APOBEC3F: variants seen among roughly 807,000 people sequenced by gnomAD.
APOBEC3F encodes the protein apolipoprotein B mRNA editing enzyme catalytic subunit 3F.
Under a neutral mutation model 45.8 loss-of-function variants are expected in APOBEC3F, and 34 were observed. That is an observed-to-expected ratio of 0.74 (90% CI 0.57 to 0.99). The LOEUF (loss-of-function observed/expected upper bound fraction) is 0.99. APOBEC3F is among the 50% of genes least tolerant of loss of function. APOBEC3F has a pLI of 0.00. For synonymous variants in APOBEC3F, 192 were observed against 174.4 expected, an observed-to-expected ratio of 1.10 and a Z score of -0.80; for missense variants, 459 against 474.1, an observed-to-expected ratio of 0.97 and a Z score of 0.30.
intron 4 of APOBEC3F, among the ~76,000 whole-genome samples, chr22:39,048,842 G>A (rs1289988243): frequency 4.0e-5 from 6 of 151,874 alleles, no homozygotes; most frequent in African/African-American, 7.3e-5. Flanking sequence ...AAAATCAGCC[G>A]GACGTGGTGA....
intron 1 of APOBEC3F, among the ~76,000 whole-genome samples, chr22:39,041,979 C>T (rs1359592862): frequency 2.0e-5 from 3 of 152,346 alleles, no homozygotes; most frequent in African/African-American, 7.2e-5. Context: ...CCCAATGGCT[C>T]CCTCCTGCAA....
At chr22:39,049,911 C>T (rs1927402238) in intron 5 of APOBEC3F, among the ~76,000 whole-genome samples, 1 of 151,440 alleles carries the variant, frequency 6.6e-6, no homozygotes, top group Non-Finnish European at 1.5e-5. Context: ...CCGTGGTGAC[C>T]AGGCTGGTTT....
In APOBEC3F at chr22:39,052,855, C is replaced by G; in HGVS notation, c.*160C>G. Reference sequence around the variant, plus strand: ...GTGCTCCCCTGCCTCACCACCTCCTCTCCGCTCTCCCAGGCTCTTCCTGCA... The same window carrying G: ...GTGCTCCCCTGCCTCACCACCTCCTGTCCGCTCTCCCAGGCTCTTCCTGCA... On this transcript the variant is annotated 3_prime_UTR_variant, in exon 7 of 7. Coordinates refer to ENST00000308521, the MANE Select transcript of APOBEC3F (RefSeq NM_145298.6). The G allele has an allele frequency of 7.0e-7, 1 of 1,435,124 alleles. No individual in the cohort carries two copies. Among genetic ancestry groups the G allele is most frequent in the Non-Finnish European group, 9.1e-7 (1 of 1,098,786 alleles). 88.9% of individuals were successfully genotyped at this position (1,435,124 alleles called of 1,614,324 possible).
rs1378857431 is a variant in APOBEC3F, at chr22:39,041,079, C to T, written c.17+102C>T. On this transcript the variant is annotated intron_variant, in intron 1 of 6. Transcript: ENST00000308521. ...GGCCTCCCCCTGCCCCAGCCCCAGC[C>T]CTGGGCTCCCTCCCCTCTGGCTCCC... is the stretch of plus-strand genomic sequence containing the variant. 8 of 1,532,808 alleles carry T rather than the reference C, an allele frequency of 5.2e-6. No homozygotes were observed. The African/African-American group carries it at 1.1e-4, about 21-fold the overall frequency. 95.0% of individuals were successfully genotyped at this position (1,532,808 alleles called of 1,614,324 possible). A position where few individuals can be genotyped will look rare whatever the true frequency, so the allele number is the denominator to read the frequency against.
intron 5 of APOBEC3F, among the ~76,000 whole-genome samples, chr22:39,049,891 C>T (rs544921037): frequency 2.0e-5 from 3 of 151,586 alleles, no homozygotes; most frequent in Admixed American, 6.6e-5. Context: ...TTAGTAGAGA[C>T]GGGGTTTCAC....
At position 39,049,389 on chromosome 22, in the gene APOBEC3F, G is replaced by T. The variant is rs376493009; in HGVS notation, c.567-36G>T. On this transcript the variant is annotated intron_variant, in intron 4 of 6. Coordinates refer to ENST00000308521, the MANE Select transcript of APOBEC3F (RefSeq NM_145298.6). ...GCATCAGCTCCGAGGAATCCAGGGG[G>T]GTCTCTGCATTGGGGTTTCTCTATT... is the stretch of plus-strand genomic sequence containing the variant. 9.3e-6 allele frequency: 15 copies of T among 1,607,928 alleles called. No homozygotes were observed. In the African/African-American group the frequency reaches 2.0e-4, roughly 21 times the overall value.
intron 4 of APOBEC3F, 143 bp from the exon 5 acceptor site, chr22:39,049,282 C>T (rs1569072160): frequency 6.7e-6 from 7 of 1,047,030 alleles, no homozygotes; most frequent in Non-Finnish European, 9.7e-6. Context: ...GCCAGCATCC[C>T]CTCCTCTTTC....
intron 4 of APOBEC3F, among the ~76,000 whole-genome samples, chr22:39,047,231 G>T (rs1927267993): frequency 6.6e-6 from 1 of 152,100 alleles, no homozygotes; most frequent in Admixed American, 6.6e-5. Context: ...GCAGACACCT[G>T]CCCCTCACTC....
At chr22:39,049,663 C>A in intron 5 of APOBEC3F, 82 bp downstream of exon 5, 3 of 1,422,624 alleles carry the variant, frequency 2.1e-6, no homozygotes, top group Non-Finnish European at 2.9e-6. Context: ...ACGTGCCTGG[C>A]GTGGGCTTTC....
chr22:39,050,553 G>C (rs1927437444), intron 5 of APOBEC3F, among the ~76,000 whole-genome samples: 1 of 149,810 alleles, frequency 6.7e-6, no homozygotes, highest in African/African-American at 2.5e-5. Context: ...AAGGCGACAA[G>C]AACTTGTGGA....
chr22:39,044,006 C>A, intron 2 of APOBEC3F: 1 of 1,458,558 alleles, frequency 6.9e-7, no homozygotes, highest in Non-Finnish European at 9.1e-7. Flanking sequence ...GCCTGGGCAA[C>A]AAGAGTGAAA....
chr22:39,050,265 T>G (rs2146348893), intron 5 of APOBEC3F, among the ~76,000 whole-genome samples: 1 of 151,702 alleles, frequency 6.6e-6, no homozygotes, highest in Non-Finnish European at 1.5e-5. Flanking sequence ...CCCCCGCCAC[T>G]GCCCTGATTC....
chr22:39,040,990 G>C lies in APOBEC3F; in HGVS notation c.17+13G>C, dbSNP rs749036662. The C allele has an allele frequency of 6.3e-7, 1 of 1,582,866 alleles. No homozygotes were observed. Among genetic ancestry groups the C allele is most frequent in the African/African-American group, 1.3e-5 (1 of 74,392 alleles). On this transcript the variant is annotated intron_variant, in intron 1 of 6. Transcript: ENST00000308521. Reference sequence around the variant, plus strand: ...AGCCTCACTTCAGGTACCGCTGCCCGCTCTACCCGCTGGGCCCCTCTGCTG... The same window carrying C: ...AGCCTCACTTCAGGTACCGCTGCCCCCTCTACCCGCTGGGCCCCTCTGCTG...
intron 5 of APOBEC3F, among the ~76,000 whole-genome samples, chr22:39,051,536 C>CAAAAAAAAA (rs35583360): frequency 9.6e-6 from 1 of 104,540 alleles, no homozygotes; most frequent in Non-Finnish European, 1.9e-5. Context: ...GACTCAGTAT[C>CAAAAAAAAA]AAAAAAAAAA....
At position 39,052,282 on chromosome 22, in the gene APOBEC3F, A is replaced by G; in HGVS notation, c.932A>G (p.Asp311Gly). Residue 311 changes from aspartate (D) to glycine (G), a missense_variant, in exon 6 of 7, where the codon GAT (aspartate) becomes GGT (glycine). Transcript: ENST00000308521. ...IFTARLYYFW[D>G]TDYQEGLRSL... ...ACCGCCCGCCTCTACTACTTCTGGG[A>G]TACAGATTACCAGGAGGGGCTCCGC... 3 of 1,614,174 alleles carry G rather than the reference A, an allele frequency of 1.9e-6. No homozygotes were observed. The highest frequency in any genetic ancestry group is 2.5e-6 in the Non-Finnish European group (3 of 1,180,014).
chr22:39,052,707 G>A lies in APOBEC3F; in HGVS notation c.*12G>A, dbSNP rs372133785. 28 of 1,606,054 alleles carry A rather than the reference G, an allele frequency of 1.7e-5. No homozygotes were observed. The African/African-American group carries it at 2.3e-4, about 13-fold the overall frequency. On this transcript the variant is annotated 3_prime_UTR_variant, in exon 7 of 7. Transcript: ENST00000308521. The stretch of plus-strand genomic sequence containing the variant: ...AGATTCTCGAGTGAGGGGTCTCCCC[G>A]GGCCTCATGGTCTGTCTCCTCTAGC...
chr22:39,047,050 T>C (rs1201002068), intron 4 of APOBEC3F, among the ~76,000 whole-genome samples: 1 of 151,828 alleles, frequency 6.6e-6, no homozygotes, highest in Non-Finnish European at 1.5e-5. Context: ...CACCCTTCTG[T>C]GACATAGGGA....
intron 4 of APOBEC3F, 25 bp downstream of exon 4, chr22:39,045,567 C>T (rs376091288): frequency 1.5e-5 from 25 of 1,613,764 alleles, no homozygotes; most frequent in Admixed American, 3.3e-5. Context: ...CTGGCCTCAT[C>T]GTCTGTCTCC....
chr22:39,041,113 G>A, intron 1 of APOBEC3F, 136 bp downstream of exon 1: 1 of 1,377,542 alleles, frequency 7.3e-7, no homozygotes, highest in South Asian at 1.3e-5. Context: ...CCCTGCCCCC[G>A]CCACTCCCAG....
Sources: allele counts gnomAD v4.1 joint callset (sites outside exome capture counted in the v4.1 genomes callset), GRCh38; gene constraint gnomAD v4.1.1; transcripts MANE v1.5; gene names NCBI Gene and HGNC (gene_info 2026-07-23, HGNC 2026-07-21).